CRYBG3: variants seen among roughly 807,000 people sequenced by gnomAD.
CRYBG3 encodes very large A-kinase anchor protein.
A neutral mutation model predicts 244.2 loss-of-function variants in CRYBG3; 127 were observed. The observed-to-expected ratio is 0.52, with a 90% CI of 0.45 to 0.60. The LOEUF (loss-of-function observed/expected upper bound fraction) is 0.60, where lower values mean the gene tolerates loss of function less well. CRYBG3 is among the 20% of genes least tolerant of loss of function. The pLI is 0.00. For missense variants in CRYBG3, 3,325 were observed against 3,442.5 expected (o/e 0.97, Z 0.85); for synonymous variants, 1,132 against 1,195.8 (o/e 0.95, Z 1.10).
At chr3:97,853,480 C>T (rs1421321981) in intron 2 of CRYBG3, among the ~76,000 whole-genome samples, 1 of 151,618 alleles carries the variant, frequency 6.6e-6, no homozygotes, top group Non-Finnish European at 1.5e-5. Flanking sequence ...TAGGCTGGTT[C>T]CATATTTTTG....
chr3:97,828,653 C>A (rs1428588902), intron 1 of CRYBG3, among the ~76,000 whole-genome samples: 1 of 151,294 alleles, frequency 6.6e-6, no homozygotes, highest in Non-Finnish European at 1.5e-5. Context: ...ATAGTGAAAT[C>A]CCATCTCTAC....
chr3:97,865,443 C>T (rs999106288), intron 3 of CRYBG3, among the ~76,000 whole-genome samples: 4 of 151,984 alleles, frequency 2.6e-5, no homozygotes, highest in African/African-American at 9.7e-5. Context: ...TTATAGTTTC[C>T]AGGTGTCTTC....
At chr3:97,942,210 A>T in intron 20 of CRYBG3, 74 bp from the exon 21 acceptor site, 1 of 1,354,568 alleles carries the variant, frequency 7.4e-7, no homozygotes, top group Non-Finnish European at 1.0e-6. Context: ...TGTTTACCTA[A>T]GATAAAAGGG....
intron 1 of CRYBG3, among the ~76,000 whole-genome samples, chr3:97,832,196 GA>G (rs1418405571): frequency 1.8e-5 from 1 of 55,008 alleles, no homozygotes; most frequent in Non-Finnish European, 3.8e-5. Flanking sequence ...CACAGAATTA[GA>G]AAAAAAATAC....
chr3:97,856,374 A>T (rs866798143), intron 2 of CRYBG3, among the ~76,000 whole-genome samples: 2 of 152,146 alleles, frequency 1.3e-5, no homozygotes, highest in African/African-American at 4.8e-5. Context: ...TGCAATTATC[A>T]CATGATGAGG....
At chr3:97,834,481 A>G (rs943288259) in intron 1 of CRYBG3, among the ~76,000 whole-genome samples, 2 of 152,184 alleles carry the variant, frequency 1.3e-5, no homozygotes, top group African/African-American at 4.8e-5. Flanking sequence ...GTGGCAGATC[A>G]TAAATTTCTT....
Position 97,899,171 on chromosome 3 carries a change from GAAC to G in CRYBG3, c.7882_7884del (p.Gln2628del). The G allele has an allele frequency of 6.2e-7, 1 of 1,613,386 alleles. No individual in the cohort carries two copies. The highest frequency in any genetic ancestry group is 8.5e-7 in the Non-Finnish European group (1 of 1,179,788). Reference sequence around the variant, plus strand: ...CTACCAGCAAAAGTTCTTCTGTGGAGAACAATACATTTTAGAAAAAGGGAAATA... The same window carrying G: ...CTACCAGCAAAAGTTCTTCTGTGGAGAATACATTTTAGAAAAAGGGAAATA... On this transcript the variant is annotated inframe_deletion, in exon 14 of 22. Transcript: ENST00000389622.
chr3:97,840,235 T>C (rs2038792953), intron 1 of CRYBG3, among the ~76,000 whole-genome samples: 1 of 152,016 alleles, frequency 6.6e-6, no homozygotes, highest in African/African-American at 2.4e-5. Context: ...GTATCAGGAG[T>C]TAGGGCATGA....
At chr3:97,836,282 A>C (rs1456218552) in intron 1 of CRYBG3, among the ~76,000 whole-genome samples, 1 of 152,078 alleles carries the variant, frequency 6.6e-6, no homozygotes, top group Non-Finnish European at 1.5e-5. Context: ...TTTGGGCTAA[A>C]ATACATACTG....
rs994408757 is a variant in CRYBG3 at position 97,899,472 on chromosome 3, A to G, written c.7971+209A>G. 3.9e-5 allele frequency among the ~76,000 whole-genome samples: 6 copies of G among 152,218 alleles called. No individual in the cohort carries two copies. The East Asian group carries it at 1.2e-3, about 29-fold the overall frequency. ...GATGGCTTTGTAATTTGATCAGTTC[A>G]TTCACTTAACAGCATTTATTTAGTG... On this transcript the variant is annotated intron_variant, in intron 14 of 21. Transcript: ENST00000389622.
At chr3:97,910,815 T>C (rs994257248) in intron 15 of CRYBG3, among the ~76,000 whole-genome samples, 2 of 152,252 alleles carry the variant, frequency 1.3e-5, no homozygotes, top group African/African-American at 2.4e-5. Flanking sequence ...AGGAGAAATG[T>C]CTCTGCATTT....
intron 15 of CRYBG3, among the ~76,000 whole-genome samples, chr3:97,907,193 T>G (rs1235479966): frequency 6.6e-6 from 1 of 152,214 alleles, no homozygotes; most frequent in Non-Finnish European, 1.5e-5. Context: ...TCAAGGATAT[T>G]GGTCTAAAAT....
chr3:97,933,241 C>T lies in CRYBG3; in HGVS notation c.8242-453C>T, dbSNP rs1350934797. ...TTAAATTAAAAATGCCTTTATTCTT[C>T]CTCCTAGGAATATTTTTAAGAGCTT... On this transcript the variant is annotated intron_variant, in intron 17 of 21. Transcript: ENST00000389622. 2.8e-5 allele frequency: 11 copies of T among 391,938 alleles called. No individual in the cohort carries two copies. The East Asian group carries it at 8.0e-4, about 29-fold the overall frequency. 24.3% of individuals were successfully genotyped at this position (391,938 alleles called of 1,614,324 possible). A position where few individuals can be genotyped will look rare whatever the true frequency, so the allele number is the denominator to read the frequency against.
At position 97,900,474 on chromosome 3, in the gene CRYBG3, C is replaced by T. The variant is rs747660988; in HGVS notation, c.7993C>T (p.Pro2665Ser). The T allele has an allele frequency of 4.5e-6, 7 of 1,554,410 alleles. No homozygotes were observed. In the Admixed American group the frequency reaches 8.4e-5, roughly 19 times the overall value. Residue 2665 changes from proline to serine, a missense_variant, in exon 15 of 22, where the codon CCT becomes TCT. By Grantham distance (74) the Pro-to-Ser change is moderately conservative (BLOSUM62 -1). Transcript: ENST00000389622. ...IQLEPLGINE[P>S]PHLLKAFSKP... ...TCAGGAACCACTTGGGATAAATGAA[C>T]CTCCGCATTTGGTATGTTTAAAAAT...
intron 4 of CRYBG3, 36 bp downstream of exon 4, chr3:97,878,073 T>C (rs1270751963): frequency 2.0e-6 from 3 of 1,522,292 alleles, no homozygotes; most frequent in Non-Finnish European, 2.7e-6. Context: ...ATAATAGTTA[T>C]TAAAGCTTTG....
chr3:97,878,139 G>C, intron 4 of CRYBG3, 102 bp downstream of exon 4: 1 of 1,073,756 alleles, frequency 9.3e-7, no homozygotes, highest in Non-Finnish European at 1.3e-6. Flanking sequence ...GGCCAAGCAT[G>C]GTGGCTCATG....
intron 4 of CRYBG3, among the ~76,000 whole-genome samples, chr3:97,879,319 T>G (rs2039418779): frequency 6.6e-6 from 1 of 152,222 alleles, no homozygotes; most frequent in African/African-American, 2.4e-5. Flanking sequence ...AATATTGTTT[T>G]TCAAGGTCCC....
intron 8 of CRYBG3, 41 bp from the exon 9 acceptor site, chr3:97,888,300 C>T: frequency 8.4e-7 from 1 of 1,197,198 alleles, no homozygotes; most frequent in Non-Finnish European, 1.2e-6. Flanking sequence ...CAGACTAAAG[C>T]AGTACTATTA....
At chr3:97,860,214 T>A (rs941436664) in intron 2 of CRYBG3, among the ~76,000 whole-genome samples, 24 of 152,318 alleles carry the variant, frequency 1.6e-4, no homozygotes, top group African/African-American at 5.3e-4. Flanking sequence ...TCTTCATTTA[T>A]TACTCTAACA....
Sources: allele counts gnomAD v4.1 joint callset (sites outside exome capture counted in the v4.1 genomes callset), GRCh38; gene constraint gnomAD v4.1.1; transcripts MANE v1.5; gene names NCBI Gene and HGNC (gene_info 2026-07-23, HGNC 2026-07-21).